MCTP2: variants seen among roughly 807,000 people sequenced by gnomAD.
The protein encoded by MCTP2 is multiple C2 and transmembrane domain-containing protein 2.
In MCTP2, 132 loss-of-function variants were observed where a neutral mutation model predicts 111.6. That is an observed-to-expected ratio of 1.18 (90% CI 1.03 to 1.37). MCTP2 has a LOEUF of 1.37. MCTP2 is among the 40% of genes most tolerant of loss of function. MCTP2 has a pLI of 0.00. For missense variants in MCTP2, 1,183 were observed against 1,067.9 expected (o/e 1.11, Z -1.50); for synonymous variants, 395 against 387.7 (o/e 1.02, Z -0.22).
chr15:94,373,603 G>A (rs2079600293), intron 12 of MCTP2, among the ~76,000 whole-genome samples: 1 of 152,110 alleles, frequency 6.6e-6, no homozygotes, highest in African/African-American at 2.4e-5. Context: ...ATTTTTTAGA[G>A]TTTCTGACAT....
chr15:94,457,742 T>G (rs929070102), intron 19 of MCTP2, among the ~76,000 whole-genome samples: 5 of 152,208 alleles, frequency 3.3e-5, no homozygotes, highest in African/African-American at 1.2e-4. Context: ...GGAACATCTC[T>G]GAAGAACACT....
In MCTP2 at chr15:94,333,160, A is replaced by C. The variant is rs934692523; in HGVS notation, c.638-6130A>C. On this transcript the variant is annotated intron_variant, in intron 4 of 22. Coordinates refer to ENST00000357742, the MANE Select transcript of MCTP2 (RefSeq NM_001385001.1). The stretch of plus-strand genomic sequence containing the variant: ...TGAGGCAGGAGAATTGCTTGAACCC[A>C]GAAGGTGGAGTAGGTTGCAGTGAGC... Among the ~76,000 whole-genome samples the C allele has an allele frequency of 2.6e-5, 4 of 152,284 alleles. No homozygotes were observed. In the East Asian group the frequency reaches 7.8e-4, roughly 30 times the overall value.
At chr15:94,364,649 AT>A (rs1271544513) in intron 10 of MCTP2, among the ~76,000 whole-genome samples, 1 of 152,126 alleles carries the variant, frequency 6.6e-6, no homozygotes, top group Non-Finnish European at 1.5e-5. Flanking sequence ...GTCATTTGAT[AT>A]TTCTCTTTTG....
intron 19 of MCTP2, among the ~76,000 whole-genome samples, 158 bp from the exon 20 acceptor site, chr15:94,457,979 T>TTG (rs150808486): frequency 0.04 from 6,015 of 151,868 alleles, 369 homozygotes; most frequent in African/African-American, 0.14. Context: ...CAGATTTTTC[T>TTG]GGGGGGGGAG....
intron 1 of MCTP2, among the ~76,000 whole-genome samples, chr15:94,266,168 C>T (rs1251366687): frequency 6.6e-6 from 1 of 152,180 alleles, no homozygotes; most frequent in Non-Finnish European, 1.5e-5. Context: ...TGTTGCTGCA[C>T]TGTGATCATT....
chr15:94,396,598 G>A (rs1380310630), intron 14 of MCTP2, among the ~76,000 whole-genome samples: 2 of 152,030 alleles, frequency 1.3e-5, no homozygotes, highest in Non-Finnish European at 2.9e-5. Context: ...TTTAAAAGTA[G>A]TCTCTTCTGT....
chr15:94,242,946 GATACACATATACACGTGTAT>G (rs2071098714), intron 1 of MCTP2, among the ~76,000 whole-genome samples: 3 of 86,208 alleles, frequency 3.5e-5, no homozygotes, highest in African/African-American at 1.2e-4. Flanking sequence ...TGTATATGTA[GATACACATATACACGTGTAT>G]ATGTGTATCT....
intron 17 of MCTP2, among the ~76,000 whole-genome samples, chr15:94,431,352 C>T (rs980433278): frequency 3.3e-5 from 5 of 152,200 alleles, no homozygotes; most frequent in Non-Finnish European, 4.4e-5. Context: ...GCAAATGGTG[C>T]GGTGTGATTA....
intron 11 of MCTP2, among the ~76,000 whole-genome samples, chr15:94,368,409 GCA>G (rs1254118929): frequency 6.6e-6 from 1 of 152,044 alleles, no homozygotes; most frequent in African/African-American, 2.4e-5. Context: ...GCCTTTATTT[GCA>G]TTCTGCTTTT....
intron 20 of MCTP2, 83 bp from the exon 21 acceptor site, chr15:94,470,250 G>A (rs1388643070): frequency 2.9e-6 from 3 of 1,049,068 alleles, no homozygotes; most frequent in East Asian, 4.9e-5. Flanking sequence ...CTATAATTAT[G>A]AACATGAAAT....
rs189823834 is a variant in MCTP2 at position 94,463,142 on chromosome 15, A to C, written c.2360+4896A>C. Reference sequence around the variant, plus strand: ...CCCATGACACACCATACACTTGTGCACACACAACTGTTGGGATCTTTATTA... The same window carrying C: ...CCCATGACACACCATACACTTGTGCCCACACAACTGTTGGGATCTTTATTA... On this transcript the variant is annotated intron_variant, in intron 20 of 22. Coordinates refer to ENST00000357742, the MANE Select transcript of MCTP2 (RefSeq NM_001385001.1). Among the ~76,000 whole-genome samples the C allele has an allele frequency of 1.4e-3, 215 of 152,336 alleles. 1 individual carries two copies. The highest frequency in any genetic ancestry group is 4.8e-3 in the African/African-American group (200 of 41,580).
intron 20 of MCTP2, among the ~76,000 whole-genome samples, chr15:94,468,535 T>A: frequency 6.6e-6 from 1 of 152,322 alleles, no homozygotes; most frequent in African/African-American, 2.4e-5. Context: ...CCAATAGGCA[T>A]ATTAAAAGGT....
intron 17 of MCTP2, among the ~76,000 whole-genome samples, chr15:94,435,366 T>C (rs58461935): frequency 0.14 from 20,816 of 152,096 alleles, 1,547 homozygotes; most frequent in East Asian, 0.26. Flanking sequence ...GAGGATATCT[T>C]GCTCATGTTT....
At chr15:94,390,089 T>C (rs1391536443) in intron 14 of MCTP2, among the ~76,000 whole-genome samples, 2,118 of 12,884 alleles carry the variant, frequency 0.16, 90 homozygotes, top group African/African-American at 0.22. Context: ...TATATATATA[T>C]GTATATATAT....
chr15:94,471,713 G>T (rs533040286), intron 21 of MCTP2, among the ~76,000 whole-genome samples: 1 of 144,994 alleles, frequency 6.9e-6, no homozygotes, highest in Admixed American at 6.9e-5. Flanking sequence ...GTCCTTAAGA[G>T]AGAACATAGA....
At chr15:94,403,160 C>A (rs928605256) in intron 17 of MCTP2, 3 of 985,690 alleles carry the variant, frequency 3.0e-6, no homozygotes, top group African/African-American at 1.7e-5. Flanking sequence ...TGTAGAGGAC[C>A]TATGCTGCCT....
intron 1 of MCTP2, among the ~76,000 whole-genome samples, chr15:94,244,830 C>G (rs919209060): frequency 5.0e-5 from 7 of 139,442 alleles, no homozygotes; most frequent in South Asian, 4.4e-4. Flanking sequence ...ACATATGCAC[C>G]TATGTTTATA....
intron 17 of MCTP2, among the ~76,000 whole-genome samples, chr15:94,424,011 G>T (rs1201485455): frequency 6.6e-6 from 1 of 152,064 alleles, no homozygotes; most frequent in Non-Finnish European, 1.5e-5. Flanking sequence ...TTGTCCCCAG[G>T]AGTAATGGTA....
chr15:94,481,315 C>T lies in MCTP2; in HGVS notation c.*2281C>T, dbSNP rs538876419. ...AACCCTCATAATCTCCTTCCAGCTT[C>T]CTTATTTCCCTTACCAGGACTGGCA... On this transcript the variant is annotated 3_prime_UTR_variant, in exon 23 of 23. Transcript: ENST00000357742. 6.6e-6 allele frequency: 1 copy of T among 152,360 alleles called. No individual in the cohort carries two copies. The highest frequency in any genetic ancestry group is 2.4e-5 in the African/African-American group (1 of 41,566). The allele number at this position is 152,360 out of a possible 1,614,324, so 9.4% of individuals were successfully genotyped here.
Sources: allele counts gnomAD v4.1 joint callset (sites outside exome capture counted in the v4.1 genomes callset), GRCh38; gene constraint gnomAD v4.1.1; transcripts MANE v1.5; gene names NCBI Gene and HGNC (gene_info 2026-07-23, HGNC 2026-07-21).